The following FANCA variants were observed in gnomAD, a reference collection of about 807,000 sequenced individuals.
The protein encoded by FANCA is FA complementation group A, also known as Fanconi anemia group A protein.
In FANCA, 236 loss-of-function variants were observed where a neutral mutation model predicts 194.3. The ratio of observed to expected loss-of-function variants is 1.21; its 90% CI spans 1.09 to 1.35. The LOEUF (loss-of-function observed/expected upper bound fraction) is 1.35. FANCA is among the 40% of genes most tolerant of loss of function. The probability of loss-of-function intolerance (pLI) is 0.00; values close to 1 mark genes in which losing one functional copy is unlikely to be tolerated. For synonymous variants in FANCA, 1,014 were observed against 715.8 expected (o/e 1.42, Z -6.65); for missense variants, 2,628 against 1,813.9 (o/e 1.45, Z -8.15).
intron 3 of FANCA, among the ~76,000 whole-genome samples, chr16:89,813,502 G>C (rs989129755): frequency 6.6e-6 from 1 of 151,712 alleles, no homozygotes; most frequent in African/African-American, 2.4e-5. Flanking sequence ...GAGGGGTCTC[G>C]GCTCAATGCA....
At chr16:89,804,841 G>A (rs539049588) in intron 7 of FANCA, among the ~76,000 whole-genome samples, 2 of 152,076 alleles carry the variant, frequency 1.3e-5, no homozygotes, top group Non-Finnish European at 1.5e-5. Context: ...AGAGCAGCCT[G>A]GCCAACCTAA....
rs1211259292 is a variant in FANCA, at chr16:89,779,770, C to A, written c.1715+99G>T. 12 of 1,004,322 alleles carry A rather than the reference C, an allele frequency of 1.2e-5. No individual in the cohort carries two copies. The East Asian group carries it at 2.2e-4, about 18-fold the overall frequency. The allele number at this position is 1,004,322 out of a possible 1,614,324, so 62.2% of individuals were successfully genotyped here. Reference sequence around the variant, plus strand: ...AGGCATCAGAGCGGAGTCTGCACACCCTGCAGGCATCAGAGCAGAGTCTGC... The same window carrying A: ...AGGCATCAGAGCGGAGTCTGCACACACTGCAGGCATCAGAGCAGAGTCTGC... On this transcript the variant is annotated intron_variant, in intron 18 of 42. Coordinates refer to ENST00000389301, the MANE Select transcript of FANCA (RefSeq NM_000135.4).
chr16:89,807,577 A>C (rs2040705566), intron 6 of FANCA, among the ~76,000 whole-genome samples: 1 of 151,912 alleles, frequency 6.6e-6, no homozygotes, highest in Admixed American at 6.6e-5. Context: ...TGGCGAAACC[A>C]CATCTCTACT....
At position 89,739,192 on chromosome 16, in the gene FANCA, C is replaced by A. The variant is rs750839091; in HGVS notation, c.4108G>T (p.Ala1370Ser). The change falls in exon 41 of 43, where the codon GCT becomes TCT. Residue 1370 changes from alanine to serine, a missense_variant. Physicochemically the swap from Ala to Ser is moderately conservative, Grantham distance 99. Transcript: ENST00000389301. Reference protein sequence around the residue: ...MYLKLVQLFVAGDTSTVSPPA... With the variant: ...MYLKLVQLFVSGDTSTVSPPA... ...GGTGAAACTGTGCTTGTATCCCCAG[C>A]CACGAAGAGCTGGACCAGCTTCAAG... 2.3e-5 allele frequency: 37 copies of A among 1,614,046 alleles called. No individual in the cohort carries two copies. In the Admixed American group the frequency reaches 5.8e-4, roughly 25 times the overall value.
intron 14 of FANCA, among the ~76,000 whole-genome samples, chr16:89,788,101 G>T (rs2039955949): frequency 6.6e-6 from 1 of 152,030 alleles, no homozygotes; most frequent in Non-Finnish European, 1.5e-5. Flanking sequence ...TTGAACTACT[G>T]GGCTCAAGCA....
chr16:89,808,282 T>G lies in FANCA; in HGVS notation c.596+12A>C. The G allele has an allele frequency of 6.2e-7, 1 of 1,613,190 alleles. No individual in the cohort carries two copies. ...CAAAAACAGTAACACTGAATCATCATTAGCACGCTACCTTTCCAGCAGCTC... is the reference window on the plus strand; with the variant it reads ...CAAAAACAGTAACACTGAATCATCAGTAGCACGCTACCTTTCCAGCAGCTC... On this transcript the variant is annotated intron_variant, in intron 6 of 42. Coordinates refer to ENST00000389301, the MANE Select transcript of FANCA (RefSeq NM_000135.4).
chr16:89,816,158 C>A (rs530380128), intron 1 of FANCA, 172 bp from the exon 2 acceptor site: 18 of 665,652 alleles, frequency 2.7e-5, no homozygotes, highest in Non-Finnish European at 4.9e-5. Context: ...ACGGCCCCAC[C>A]GCGGACGCCG....
chr16:89,781,157 G>C (rs1385899245), intron 17 of FANCA, among the ~76,000 whole-genome samples: 7 of 152,000 alleles, frequency 4.6e-5, no homozygotes, highest in Admixed American at 3.9e-4. Context: ...GAGGTCAGGA[G>C]ACCGAGACCA....
chr16:89,762,569 G>GAAAAAA (rs59550802), intron 28 of FANCA: 8 of 173,926 alleles, frequency 4.6e-5, no homozygotes, highest in East Asian at 1.9e-4. Context: ...CTATAAAAAG[G>GAAAAAA]AAAAAAAAAA....
chr16:89,809,825 C>CT (rs1555574301), intron 5 of FANCA, among the ~76,000 whole-genome samples: 2 of 151,598 alleles, frequency 1.3e-5, no homozygotes, highest in Non-Finnish European at 2.9e-5. Context: ...TGCACTCCAG[C>CT]CTGGGCAACA....
chr16:89,803,134 A>G (rs1202944227), intron 8 of FANCA, 125 bp downstream of exon 8: 1 of 928,912 alleles, frequency 1.1e-6, no homozygotes, highest in East Asian at 2.4e-5. Context: ...CAAAACAAGT[A>G]TCACATGTAC....
rs1234979343 is a variant in FANCA, at chr16:89,738,322, C to T, written c.*279G>A. Reference sequence around the variant, plus strand: ...GTGTCAGCCTCACCCTTCGTGTGCACCCGCATGGGAGGGTCGGAGGGTGCT... The same window carrying T: ...GTGTCAGCCTCACCCTTCGTGTGCATCCGCATGGGAGGGTCGGAGGGTGCT... On this transcript the variant is annotated 3_prime_UTR_variant, in exon 43 of 43. Coordinates refer to ENST00000389301, the MANE Select transcript of FANCA (RefSeq NM_000135.4). 1 of 1,515,624 alleles carries T rather than the reference C, an allele frequency of 6.6e-7. No homozygotes were observed. The highest frequency in any genetic ancestry group is 8.8e-7 in the Non-Finnish European group (1 of 1,132,658). 93.9% of individuals were successfully genotyped at this position (1,515,624 alleles called of 1,614,324 possible).
chr16:89,778,574 G>T, intron 20 of FANCA: 1 of 497,598 alleles, frequency 2.0e-6, no homozygotes, highest in Non-Finnish European at 3.4e-6. Context: ...GTTGCAGTGA[G>T]CCAAGATCTC....
rs2040859205 is a variant in FANCA at position 89,811,024 on chromosome 16, T to C, written c.331A>G (p.Ile111Val). The C allele has an allele frequency of 1.2e-6, 2 of 1,613,950 alleles. No individual in the cohort carries two copies. Among genetic ancestry groups the C allele is most frequent in the East Asian group, 2.2e-5 (1 of 44,880 alleles). ...QASRLGVPVG[I>V]LSAGMVASSV... is the part of the protein sequence containing the mutation. ...GAGGCAACCATCCCGGCTGAGAGAATACCCACGGGAACCCCCAGCCTTGAG... is the reference window on the plus strand; with the variant it reads ...GAGGCAACCATCCCGGCTGAGAGAACACCCACGGGAACCCCCAGCCTTGAG... The change falls in exon 4 of 43, where the codon ATT (isoleucine) becomes GTT (valine). Residue 111 changes from isoleucine to valine, a missense_variant. Ile to Val is a conservative substitution (Grantham distance 29). Transcript: ENST00000389301.
At chr16:89,805,243 G>A (rs2040594871) in intron 7 of FANCA, 37 bp downstream of exon 7, 1 of 1,527,098 alleles carries the variant, frequency 6.5e-7, no homozygotes, top group Non-Finnish European at 9.1e-7. Context: ...ATCAAAATGA[G>A]TTTTACCCAA....
chr16:89,806,270 C>T (rs769534913), intron 6 of FANCA, among the ~76,000 whole-genome samples: 1 of 152,040 alleles, frequency 6.6e-6, no homozygotes, highest in Non-Finnish European at 1.5e-5. Flanking sequence ...TACGAATACA[C>T]ACTCTGCTAC....
chr16:89,775,643 C>T, intron 21 of FANCA, 99 bp downstream of exon 21: 2 of 981,654 alleles, frequency 2.0e-6, no homozygotes, highest in East Asian at 2.7e-5. Flanking sequence ...GGCACAGCCA[C>T]CCCCGAGCTC....
chr16:89,748,944 C>T (rs2038485700), intron 32 of FANCA, among the ~76,000 whole-genome samples, 177 bp from the exon 33 acceptor site: 1 of 152,170 alleles, frequency 6.6e-6, no homozygotes. Flanking sequence ...GCCCACCTCC[C>T]CTATACTGTG....
In FANCA at chr16:89,746,621, C is replaced by T; in HGVS notation, c.3476G>A (p.Cys1159Tyr). The change falls in exon 35 of 43, where the codon TGC becomes TAC. Residue 1159 changes from cysteine (C) to tyrosine (Y), a missense_variant. By Grantham distance (194) the Cys-to-Tyr change is radical. Coordinates refer to ENST00000389301, the MANE Select transcript of FANCA (RefSeq NM_000135.4). ...CAAAATTAAGGGGCATTTCGTCTGGCACTTGGCCAGTATGAAGTCGACCAT... is the reference window on the plus strand; with the variant it reads ...CAAAATTAAGGGGCATTTCGTCTGGTACTTGGCCAGTATGAAGTCGACCAT... Reference protein sequence around the residue: ...SLMVDFILAKCQTKCPLILTS... With the variant: ...SLMVDFILAKYQTKCPLILTS... 1 of 1,614,168 alleles carries T rather than the reference C, an allele frequency of 6.2e-7. No individual in the cohort carries two copies.
Sources: gnomAD v4.1 joint callset for allele counts (sites outside exome capture counted in the v4.1 genomes callset) on GRCh38, gnomAD v4.1.1 for gene constraint, MANE v1.5 for transcripts, NCBI Gene and HGNC (gene_info 2026-07-23, HGNC 2026-07-21) for gene names.